The following THSD7B variants were observed in gnomAD, a reference collection of about 807,000 sequenced individuals.
The protein encoded by THSD7B is thrombospondin type 1 domain containing 7B.
A neutral mutation model predicts 213.6 loss-of-function variants in THSD7B; 138 were observed. The observed-to-expected ratio is 0.65, with a 90% CI of 0.56 to 0.74. The LOEUF (loss-of-function observed/expected upper bound fraction) is 0.74. Among genes scored for constraint, THSD7B ranks in the 30% least tolerant of loss-of-function variants. THSD7B has a pLI of 0.00. For missense variants in THSD7B, 1,931 were observed against 1,991.5 expected, an observed-to-expected ratio of 0.97 and a Z score of 0.58; for synonymous variants, 742 against 687.0, an observed-to-expected ratio of 1.08 and a Z score of -1.25.
intron 2 of THSD7B, among the ~76,000 whole-genome samples, chr2:137,043,667 A>C (rs879803495): frequency 2.0e-5 from 3 of 152,156 alleles, no homozygotes; most frequent in Non-Finnish European, 4.4e-5. Context: ...ATGGCCTAGG[A>C]AGCTTGCACA....
chr2:137,266,364 G>A, intron 10 of THSD7B, among the ~76,000 whole-genome samples: 1 of 152,296 alleles, frequency 6.6e-6, no homozygotes, highest in East Asian at 1.9e-4. Flanking sequence ...AGTATTTAAT[G>A]TGTGACTATT....
intron 2 of THSD7B, among the ~76,000 whole-genome samples, chr2:136,980,553 G>C (rs1685557734): frequency 6.6e-6 from 1 of 152,196 alleles, no homozygotes; most frequent in Non-Finnish European, 1.5e-5. Flanking sequence ...GTGCTGCACT[G>C]TAGGAAATTC....
Position 137,291,256 on chromosome 2 carries a change from C to A in THSD7B, c.2500+15230C>A, listed in dbSNP as rs139321692. On this transcript the variant is annotated intron_variant, in intron 12 of 27. Coordinates refer to ENST00000409968, the MANE Select transcript of THSD7B (RefSeq NM_001316349.2). ...ATGTATCTCTTTTTCCAAATAATTCCATTCTCCCAGTTGTAATTAAGCAAT... is the reference window on the plus strand; with the variant it reads ...ATGTATCTCTTTTTCCAAATAATTCAATTCTCCCAGTTGTAATTAAGCAAT... Among the ~76,000 whole-genome samples the A allele has an allele frequency of 2.5e-3, 386 of 152,190 alleles. 2 individuals carry two copies. Among genetic ancestry groups the A allele is most frequent in the African/African-American group, 9.1e-3 (376 of 41,544 alleles).
chr2:137,478,266 C>A (rs150761544), intron 15 of THSD7B, among the ~76,000 whole-genome samples: 1 of 152,102 alleles, frequency 6.6e-6, no homozygotes, highest in African/African-American at 2.4e-5. Flanking sequence ...TTTAGTCATT[C>A]ATTTTTCTTT....
At chr2:137,333,329 G>T (rs1382299055) in intron 12 of THSD7B, among the ~76,000 whole-genome samples, 1 of 152,150 alleles carries the variant, frequency 6.6e-6, no homozygotes, top group Non-Finnish European at 1.5e-5. Context: ...GATCTCTTAT[G>T]TATGGAAATC....
chr2:137,301,989 T>C (rs1049796824), intron 12 of THSD7B, among the ~76,000 whole-genome samples: 3 of 152,040 alleles, frequency 2.0e-5, no homozygotes, highest in African/African-American at 7.2e-5. Flanking sequence ...GGACACCAGT[T>C]AGGAGGCTGC....
At chr2:137,089,389 T>C (rs1221670416) in intron 3 of THSD7B, among the ~76,000 whole-genome samples, 5 of 149,894 alleles carry the variant, frequency 3.3e-5, no homozygotes, top group African/African-American at 9.8e-5. Flanking sequence ...TACTAGTGTG[T>C]ATATGTATAT....
At chr2:137,525,798 G>C (rs1299134724) in intron 15 of THSD7B, among the ~76,000 whole-genome samples, 1 of 152,118 alleles carries the variant, frequency 6.6e-6, no homozygotes, top group Admixed American at 6.6e-5. Flanking sequence ...TGAGTCAGAG[G>C]GGGCTGAATA....
chr2:137,123,603 G>A (rs1688581586), intron 5 of THSD7B, among the ~76,000 whole-genome samples: 1 of 152,102 alleles, frequency 6.6e-6, no homozygotes, highest in Admixed American at 6.5e-5. Flanking sequence ...TGTAGGTTTT[G>A]CCTTCTAGAG....
At chr2:137,313,333 T>A (rs1683971993) in intron 12 of THSD7B, among the ~76,000 whole-genome samples, 1 of 152,100 alleles carries the variant, frequency 6.6e-6, no homozygotes, top group Admixed American at 6.5e-5. Flanking sequence ...TTGCAACCCC[T>A]GCCTTTTTTT....
chr2:137,584,782 T>C (rs1292030814), intron 17 of THSD7B, among the ~76,000 whole-genome samples: 1 of 152,198 alleles, frequency 6.6e-6, no homozygotes, highest in Admixed American at 6.5e-5. Flanking sequence ...ATAAGGGATA[T>C]TGGTCTAAAA....
chr2:137,465,296 G>A (rs1237371466), intron 15 of THSD7B, among the ~76,000 whole-genome samples: 1 of 151,536 alleles, frequency 6.6e-6, no homozygotes, highest in Non-Finnish European at 1.5e-5. Flanking sequence ...AGACATTCCA[G>A]GACAATTGAA....
At chr2:137,305,853 C>CT (rs1683729344) in intron 12 of THSD7B, among the ~76,000 whole-genome samples, 1 of 152,096 alleles carries the variant, frequency 6.6e-6, no homozygotes, top group South Asian at 2.1e-4. Flanking sequence ...GCCTACTATA[C>CT]ACCTAAGGCT....
At chr2:137,560,577 G>T (rs1681091029) in intron 15 of THSD7B, among the ~76,000 whole-genome samples, 1 of 152,092 alleles carries the variant, frequency 6.6e-6, no homozygotes, top group Non-Finnish European at 1.5e-5. Context: ...TGGGTGGAAG[G>T]GAGAGGGATA....
At chr2:137,628,227 T>A (rs1682670270) in intron 20 of THSD7B, among the ~76,000 whole-genome samples, 1 of 152,182 alleles carries the variant, frequency 6.6e-6, no homozygotes, top group South Asian at 2.1e-4. Flanking sequence ...ATAGATGCAG[T>A]CACCCTAATC....
intron 1 of THSD7B, among the ~76,000 whole-genome samples, chr2:136,773,214 A>C (rs1213292828): frequency 1.3e-5 from 2 of 152,104 alleles, no homozygotes; most frequent in Non-Finnish European, 1.5e-5. Context: ...TTTATTGAAC[A>C]TATACTGTGT....
At chr2:137,643,543 T>C (rs1431917853) in intron 21 of THSD7B, among the ~76,000 whole-genome samples, 4 of 152,242 alleles carry the variant, frequency 2.6e-5, no homozygotes, top group Non-Finnish European at 5.9e-5. Flanking sequence ...ACCATGCTAA[T>C]TAACCAATTC....
chr2:137,381,612 G>A (rs1332413080), intron 12 of THSD7B, among the ~76,000 whole-genome samples: 2 of 152,178 alleles, frequency 1.3e-5, no homozygotes, highest in Admixed American at 1.3e-4. Flanking sequence ...CCCACCTGCG[G>A]GGGCCTCCCC....
At chr2:137,238,614 C>T (rs1346102100) in intron 9 of THSD7B, among the ~76,000 whole-genome samples, 4 of 122,524 alleles carry the variant, frequency 3.3e-5, no homozygotes, top group African/African-American at 1.3e-4. Context: ...ACTGCAGTGG[C>T]GCAATCTCGG....
Sources: gnomAD v4.1 joint callset for allele counts (sites outside exome capture counted in the v4.1 genomes callset) on GRCh38, gnomAD v4.1.1 for gene constraint, MANE v1.5 for transcripts, NCBI Gene and HGNC (gene_info 2026-07-23, HGNC 2026-07-21) for gene names.